SLC6A13: variants seen among roughly 807,000 people sequenced by gnomAD.
The protein encoded by SLC6A13 is sodium- and chloride-dependent GABA transporter 2.
SLC6A13 carries 69 observed loss-of-function variants against 72.9 expected under a neutral mutation model. The ratio of observed to expected loss-of-function variants is 0.95; its 90% CI spans 0.78 to 1.16. SLC6A13 has a LOEUF of 1.16. Among genes scored for constraint, SLC6A13 ranks in the 50% most tolerant of loss-of-function variants. The probability of loss-of-function intolerance (pLI) is 0.00; values close to 1 mark genes in which losing one functional copy is unlikely to be tolerated. For synonymous variants in SLC6A13, 303 were observed against 303.0 expected (o/e 1.00, Z 0.00); for missense variants, 735 against 760.5 (o/e 0.97, Z 0.39).
chr12:220,915 C>A lies in SLC6A13; in HGVS notation c.*33G>T. On this transcript the variant is annotated 3_prime_UTR_variant, in exon 15 of 15. Coordinates refer to ENST00000343164, the MANE Select transcript of SLC6A13 (RefSeq NM_016615.5). The stretch of plus-strand genomic sequence containing the variant: ...TTCCCTCCACAGCCATCCCCAAGGC[C>A]AGGCACACAGGCACCATCCAAGGGC... The A allele has an allele frequency of 6.2e-7, 1 of 1,609,138 alleles. No individual in the cohort carries two copies. Among genetic ancestry groups the A allele is most frequent in the Non-Finnish European group, 8.5e-7 (1 of 1,179,548 alleles).
chr12:250,801 T>C (rs1322231071), intron 2 of SLC6A13, among the ~76,000 whole-genome samples: 2 of 114,030 alleles, frequency 1.8e-5, no homozygotes, highest in African/African-American at 7.3e-5. Context: ...CTAAAATTCA[T>C]CTGGAAATGA....
chr12:223,012 G>A, intron 12 of SLC6A13, 120 bp downstream of exon 12: 1 of 641,710 alleles, frequency 1.6e-6, no homozygotes, highest in Non-Finnish European at 2.8e-6. Flanking sequence ...TTTGGAGGTT[G>A]GGTAGGGAGG....
chr12:228,260 G>A (rs1941550069), intron 7 of SLC6A13, among the ~76,000 whole-genome samples: 1 of 152,162 alleles, frequency 6.6e-6, no homozygotes, highest in South Asian at 2.1e-4. Context: ...GAGTTCAGTT[G>A]TTATTGTTAT....
At chr12:251,944 T>G (rs575952407) in intron 2 of SLC6A13, among the ~76,000 whole-genome samples, 61 of 152,180 alleles carry the variant, frequency 4.0e-4, no homozygotes, top group Non-Finnish European at 7.8e-4. Context: ...CCATTGCACT[T>G]CGGCCTGGGT....
intron 3 of SLC6A13, among the ~76,000 whole-genome samples, chr12:243,092 C>G (rs1369544993): frequency 1.3e-5 from 2 of 152,052 alleles, no homozygotes; most frequent in Admixed American, 1.3e-4. Flanking sequence ...TCGCTGCAAC[C>G]TCTGCCTCCC....
chr12:233,241 G>A (rs1057455907), intron 7 of SLC6A13, among the ~76,000 whole-genome samples: 1 of 152,094 alleles, frequency 6.6e-6, no homozygotes, highest in Admixed American at 6.5e-5. Context: ...AACACTTCAG[G>A]GCCTCTGGGG....
At chr12:226,252 T>A (rs1941447143) in intron 9 of SLC6A13, 138 bp downstream of exon 9, 3 of 1,005,732 alleles carry the variant, frequency 3.0e-6, no homozygotes, top group Non-Finnish European at 4.5e-6. Flanking sequence ...CTCCGCCAAG[T>A]CTTCCCAGAA....
chr12:235,065 A>C (rs765962601), intron 7 of SLC6A13, 25 bp downstream of exon 7: 5 of 1,614,008 alleles, frequency 3.1e-6, no homozygotes, highest in Non-Finnish European at 4.2e-6. Flanking sequence ...GAGTCACGTG[A>C]GGGCTCCTGT....
At chr12:251,463 A>G (rs942415498) in intron 2 of SLC6A13, among the ~76,000 whole-genome samples, 1 of 152,236 alleles carries the variant, frequency 6.6e-6, no homozygotes, top group South Asian at 2.1e-4. Context: ...ACTGTATACA[A>G]AAATTAAGCC....
intron 2 of SLC6A13, among the ~76,000 whole-genome samples, chr12:248,793 A>G (rs1942444954): frequency 1.3e-5 from 2 of 152,226 alleles, no homozygotes; most frequent in South Asian, 4.1e-4. Flanking sequence ...CTTAGTTGAC[A>G]TTTATTGAAC....
chr12:251,722 G>T (rs969016628), intron 2 of SLC6A13, among the ~76,000 whole-genome samples: 1 of 152,152 alleles, frequency 6.6e-6, no homozygotes. Context: ...GGAGGCCAAG[G>T]CTGGAGGATC....
Position 221,473 on chromosome 12 carries a change from C to T in SLC6A13, c.1589G>A (p.Gly530Asp), listed in dbSNP as rs763680620. 1.9e-6 allele frequency: 3 copies of T among 1,613,874 alleles called. No homozygotes were observed. The highest frequency in any genetic ancestry group is 2.2e-5 in the South Asian group (2 of 91,060). ...YNKKYTYPWW[G>D]DALGWLLALS... ...AGCCAGGAGCCAGCCCAGGGCATCG[C>T]CCCACCACGGGTACGTGTACTTCTT... Residue 530 changes from glycine (G) to aspartate (D), a missense_variant, in exon 14 of 15, where the codon GGC becomes GAC. Coordinates refer to ENST00000343164, the MANE Select transcript of SLC6A13 (RefSeq NM_016615.5).
intron 7 of SLC6A13, among the ~76,000 whole-genome samples, chr12:234,002 C>T (rs188584731): frequency 1.8e-4 from 28 of 152,148 alleles, no homozygotes; most frequent in Non-Finnish European, 1.6e-4. Context: ...AGATACCAGT[C>T]ATAAAGACCT....
intron 2 of SLC6A13, among the ~76,000 whole-genome samples, chr12:248,923 C>A (rs553516306): frequency 6.6e-6 from 1 of 152,196 alleles, no homozygotes; most frequent in Non-Finnish European, 1.5e-5. Flanking sequence ...TAAAAGCATC[C>A]AAGTAATACA....
intron 2 of SLC6A13, among the ~76,000 whole-genome samples, chr12:255,938 T>C (rs943814193): frequency 1.5e-4 from 23 of 152,268 alleles, no homozygotes; most frequent in Middle Eastern, 3.4e-3. Context: ...TTGTTTCCTC[T>C]GCCTAGAGGA....
At chr12:246,073 G>C (rs1354502601) in intron 2 of SLC6A13, among the ~76,000 whole-genome samples, 1 of 151,856 alleles carries the variant, frequency 6.6e-6, no homozygotes, top group East Asian at 1.9e-4. Context: ...AGCCGAGATT[G>C]TGCCACTGCA....
Position 224,653 on chromosome 12 carries a change from T to C in SLC6A13, c.1061-140A>G, listed in dbSNP as rs191804229. The C allele has an allele frequency of 9.2e-6, 6 of 651,708 alleles. No homozygotes were observed. In the East Asian group the frequency reaches 1.4e-4, roughly 15 times the overall value. 40.4% of individuals were successfully genotyped at this position (651,708 alleles called of 1,614,324 possible). ...CCCCAAAGTTGCTGTCACCACCACG[T>C]CCTCACCTAGGAGAAGCCACCCCAA... On this transcript the variant is annotated intron_variant, in intron 9 of 14. Coordinates refer to ENST00000343164, the MANE Select transcript of SLC6A13 (RefSeq NM_016615.5).
rs147238360 is a variant in SLC6A13 at position 236,406 on chromosome 12, G to A, written c.696+752C>T. Among the ~76,000 whole-genome samples the A allele has an allele frequency of 7.6e-3, 1,159 of 152,276 alleles. 10 individuals are homozygous for A. The highest frequency in any genetic ancestry group is 0.026 in the African/African-American group (1,069 of 41,560). ...GTCTCTCTTTATTTCTCAGCCAGCC[G>A]ACACTTATGGAAAATAGAAAGAACC... On this transcript the variant is annotated intron_variant, in intron 6 of 14. Coordinates refer to ENST00000343164, the MANE Select transcript of SLC6A13 (RefSeq NM_016615.5).
At chr12:235,001 G>T in intron 7 of SLC6A13, 89 bp downstream of exon 7, 1 of 1,483,600 alleles carries the variant, frequency 6.7e-7, no homozygotes, top group Non-Finnish European at 9.4e-7. Context: ...GTAGTGCTAG[G>T]TGCGGGGGTT....
Sources: gnomAD v4.1 joint callset for allele counts (sites outside exome capture counted in the v4.1 genomes callset) on GRCh38, gnomAD v4.1.1 for gene constraint, MANE v1.5 for transcripts, NCBI Gene and HGNC (gene_info 2026-07-23, HGNC 2026-07-21) for gene names.